MGAM: variants seen among roughly 807,000 people sequenced by gnomAD.
MGAM encodes the protein maltase-glucoamylase.
Under a neutral mutation model 358.8 loss-of-function variants are expected in MGAM, and 253 were observed. The ratio of observed to expected loss-of-function variants is 0.71; its 90% CI spans 0.64 to 0.78. MGAM has a LOEUF of 0.78. MGAM is among the 30% of genes least tolerant of loss of function. The pLI, the probability that MGAM is intolerant of heterozygous loss-of-function variation, is 0.00. For synonymous variants in MGAM, 1,105 were observed against 1,227.1 expected, an observed-to-expected ratio of 0.90 and a Z score of 2.08; for missense variants, 3,080 against 3,432.6, an observed-to-expected ratio of 0.90 and a Z score of 2.57.
rs770763214 is a variant in MGAM, at chr7:142,077,312, G to T, written c.5493+486G>T. On this transcript the variant is annotated intron_variant, in intron 47 of 70. Transcript: ENST00000475668. ...TCATATTGATCCTTGAATGAAGGCT[G>T]TGCTACTGTGTGTGAGCATTGTTGG... 2.5e-4 allele frequency among the ~76,000 whole-genome samples: 36 copies of T among 145,542 alleles called. 2 individuals carry two copies. The highest frequency in any genetic ancestry group is 4.5e-4 in the Non-Finnish European group (29 of 64,292).
intron 53 of MGAM, among the ~76,000 whole-genome samples, chr7:142,083,885 G>A (rs1348760164): frequency 7.1e-6 from 1 of 141,720 alleles, no homozygotes; most frequent in East Asian, 2.1e-4. Flanking sequence ...GTGTTTGATA[G>A]TGATGGTGGT....
At position 142,041,953 on chromosome 7, in the gene MGAM, T is replaced by TA. The variant is rs1204064119; in HGVS notation, c.2498+1108dup. Among the ~76,000 whole-genome samples, 47 of 22,456 alleles carry TA rather than the reference T, an allele frequency of 2.1e-3. 2 individuals are homozygous for TA. The highest frequency in any genetic ancestry group is 8.7e-3 in the African/African-American group (42 of 4,848). 14.7% of individuals were successfully genotyped at this position (22,456 alleles called of 152,430 possible). A position where few individuals can be genotyped will look rare whatever the true frequency, so the allele number is the denominator to read the frequency against. ...AATATATATATTATATATATACATA[T>TA]ATATAATATATATATATTATATATA... is the stretch of plus-strand genomic sequence containing the variant. On this transcript the variant is annotated intron_variant, in intron 21 of 70. Transcript: ENST00000475668.
chr7:142,004,045 A>G (rs1319362994), intron 1 of MGAM, among the ~76,000 whole-genome samples: 1 of 152,016 alleles, frequency 6.6e-6, no homozygotes, highest in African/African-American at 2.4e-5. Flanking sequence ...AAAACAACAC[A>G]TATTGGGGAG....
chr7:142,014,976 A>T (rs1160368286), intron 3 of MGAM, among the ~76,000 whole-genome samples: 1 of 152,066 alleles, frequency 6.6e-6, no homozygotes, highest in Non-Finnish European at 1.5e-5. Context: ...TTAGATATAT[A>T]TCTTAAGTTT....
In MGAM at chr7:142,068,674, C is replaced by T; in HGVS notation, c.5032C>T (p.Pro1678Ser). 1 of 1,539,436 alleles carries T rather than the reference C, an allele frequency of 6.5e-7. No individual in the cohort carries two copies. The highest frequency in any genetic ancestry group is 2.3e-5 in the East Asian group (1 of 43,898). Residue 1678 changes from proline (P) to serine (S), a missense_variant, in exon 43 of 71, where the codon CCT becomes TCT. Physicochemically the swap from Pro to Ser is moderately conservative, Grantham distance 74. This residue lies in a region of MGAM where 932 missense variants were observed against 1,198.2 expected (regional missense o/e 0.78). Coordinates refer to ENST00000475668, the MANE Select transcript of MGAM (RefSeq NM_001365693.1). ...RNARNVTAYF[P>S]RARWYDYYTG... ...TGCCAGAAATGTCACTGCATATTTC[C>T]CTAGAGCCCGTTGGTACGATTACTA...
At chr7:142,076,444 T>C in intron 46 of MGAM, 192 bp downstream of exon 46, 1 of 857,138 alleles carries the variant, frequency 1.2e-6, no homozygotes. Context: ...TGTTTCTAAA[T>C]ATAGTTTTTA....
Position 142,082,121 on chromosome 7 carries a change from T to C in MGAM, c.6082T>C (p.Tyr2028His), listed in dbSNP as rs1332973295. The C allele has an allele frequency of 1.3e-6, 2 of 1,555,730 alleles. No homozygotes were observed. The highest frequency in any genetic ancestry group is 2.7e-5 in the African/African-American group (2 of 74,472). Residue 2028 changes from tyrosine to histidine, a missense_variant, in exon 51 of 71, where the codon TAT becomes CAT. This residue lies in a region of MGAM where 932 missense variants were observed against 1,198.2 expected (regional missense o/e 0.78). Coordinates refer to ENST00000475668, the MANE Select transcript of MGAM (RefSeq NM_001365693.1). ...ISTRLPSKYLYGFGETEHTSY... is the reference protein window; with the variant it reads ...ISTRLPSKYLHGFGETEHTSY... ...CACCCGCCTTCCCTCCAAGTACCTC[T>C]ATGGCTTTGGGGAGACTGAGCACAC...
intron 48 of MGAM, 46 bp downstream of exon 48, chr7:142,078,516 A>C: frequency 6.8e-7 from 1 of 1,476,838 alleles, no homozygotes; most frequent in Non-Finnish European, 9.2e-7. Context: ...CTCCACACCT[A>C]ATCTATAGTT....
intron 10 of MGAM, among the ~76,000 whole-genome samples, chr7:142,028,340 T>A (rs10227984): frequency 0.08 from 12,209 of 152,144 alleles, 1,258 homozygotes; most frequent in African/African-American, 0.24. Flanking sequence ...AACAGATATT[T>A]TAAAGAGGAA....
intron 36 of MGAM, among the ~76,000 whole-genome samples, chr7:142,063,930 A>G (rs1812472694): frequency 6.6e-6 from 1 of 152,168 alleles, no homozygotes; most frequent in South Asian, 2.1e-4. Flanking sequence ...GCTTCCCCTT[A>G]TCATGGAGCT....
chr7:142,034,199 A>G, intron 14 of MGAM, 63 bp from the exon 15 acceptor site: 4 of 1,097,560 alleles, frequency 3.6e-6, no homozygotes, highest in Non-Finnish European at 5.2e-6. Context: ...TCGGATTGTG[A>G]TAGTCAAGGA....
intron 27 of MGAM, 87 bp from the exon 28 acceptor site, chr7:142,055,471 A>G: frequency 1.3e-6 from 2 of 1,505,104 alleles, no homozygotes; most frequent in Non-Finnish European, 1.8e-6. Flanking sequence ...GTAGGAATCA[A>G]GTGTTCTGTT....
intron 23 of MGAM, among the ~76,000 whole-genome samples, 152 bp downstream of exon 23, chr7:142,050,436 C>T (rs771005541): frequency 5.9e-5 from 9 of 152,252 alleles, no homozygotes; most frequent in South Asian, 2.1e-4. Flanking sequence ...ATGATTTCAT[C>T]GATGTTTTCA....
At chr7:142,062,924 C>T (rs1471130601) in intron 35 of MGAM, among the ~76,000 whole-genome samples, 4 of 152,150 alleles carry the variant, frequency 2.6e-5, no homozygotes, top group South Asian at 4.1e-4. Context: ...CGGGACCAGG[C>T]GTGGTGGTTC....
Position 142,027,216 on chromosome 7 carries a change from G to C in MGAM, c.1084G>C (p.Glu362Gln). The C allele has an allele frequency of 6.2e-7, 1 of 1,609,358 alleles. No homozygotes were observed. The change falls in exon 9 of 71, where the codon GAA becomes CAA. Residue 362 changes from glutamate (E) to glutamine (Q), a missense_variant. Transcript: ENST00000475668. ...AAACACTCCAGAGCAAGTTGTTCAA[G>C]AATATCTAGAGGTAAACTTAGGATG... is the stretch of plus-strand genomic sequence containing the variant. Reference protein sequence around the residue: ...LGNTPEQVVQEYLELIGRPAL... With the variant: ...LGNTPEQVVQQYLELIGRPAL...
At chr7:141,990,120 A>T (rs1803879618) in intron 2 of MGAM, among the ~76,000 whole-genome samples, 1 of 152,164 alleles carries the variant, frequency 6.6e-6, no homozygotes, top group South Asian at 2.1e-4. Flanking sequence ...CACTCCTCTG[A>T]GCACTTTGGG....
rs1195773274 is a variant in MGAM, at chr7:142,093,241, C to T, written c.7034-171C>T. Among the ~76,000 whole-genome samples, 3 of 146,452 alleles carry T rather than the reference C, an allele frequency of 2.0e-5. 1 individual carries two copies. Among genetic ancestry groups the T allele is most frequent in the Non-Finnish European group, 4.6e-5 (3 of 64,662 alleles). On this transcript the variant is annotated intron_variant, in intron 59 of 70. Coordinates refer to ENST00000475668, the MANE Select transcript of MGAM (RefSeq NM_001365693.1). ...AACTTGATGTTGGAAACACTGGAGC[C>T]GCCGTTGCAGCTCAGAGCTGGGGGC...
chr7:141,992,239 T>C (rs1803979227), upstream of MGAM, among the ~76,000 whole-genome samples: 1 of 152,216 alleles, frequency 6.6e-6, no homozygotes. Flanking sequence ...TGATAGGTAG[T>C]ATTTTAATCT....
At chr7:142,010,029 T>C (rs1237446336) in intron 3 of MGAM, among the ~76,000 whole-genome samples, 1 of 152,182 alleles carries the variant, frequency 6.6e-6, no homozygotes, top group Non-Finnish European at 1.5e-5. Flanking sequence ...TCCAAGATTA[T>C]ATGTAAAAGA....
Sources: allele counts gnomAD v4.1 joint callset (sites outside exome capture counted in the v4.1 genomes callset), GRCh38; gene constraint gnomAD v4.1.1; regional missense constraint gnomAD v4.1.1; transcripts MANE v1.5; gene names NCBI Gene and HGNC (gene_info 2026-07-23, HGNC 2026-07-21).